Variants in HS3ST4 observed in about 807,000 individuals in gnomAD.
HS3ST4 encodes heparan sulfate-glucosamine 3-sulfotransferase 4.
A neutral mutation model predicts 29.2 loss-of-function variants in HS3ST4; 17 were observed. The observed-to-expected ratio is 0.58, with a 90% CI of 0.40 to 0.87. The LOEUF is 0.87. HS3ST4 is among the 40% of genes least tolerant of loss of function. The pLI is 0.00. For synonymous variants in HS3ST4, 314 were observed against 285.7 expected, an observed-to-expected ratio of 1.10 and a Z score of -1.00; for missense variants, 627 against 634.5, an observed-to-expected ratio of 0.99 and a Z score of 0.13.
chr16:26,074,263 A>G (rs1355097126), intron 1 of HS3ST4, among the ~76,000 whole-genome samples: 9 of 152,228 alleles, frequency 5.9e-5, no homozygotes, highest in Admixed American at 5.9e-4. Context: ...CACATCAGGT[A>G]CAGTTGTCTG....
intron 1 of HS3ST4, among the ~76,000 whole-genome samples, chr16:25,950,967 C>T (rs1316969118): frequency 6.6e-6 from 1 of 152,194 alleles, no homozygotes; most frequent in Non-Finnish European, 1.5e-5. Flanking sequence ...AGTCCACACC[C>T]CACTGGGCAC....
chr16:26,047,359 G>C (rs993909643), intron 1 of HS3ST4, among the ~76,000 whole-genome samples: 3 of 152,162 alleles, frequency 2.0e-5, no homozygotes, highest in Non-Finnish European at 1.5e-5. Flanking sequence ...AGAAGATTTC[G>C]ATCAATATTT....
At chr16:26,103,574 T>C (rs115171869) in intron 1 of HS3ST4, among the ~76,000 whole-genome samples, 3,762 of 152,268 alleles carry the variant, frequency 0.025, 170 homozygotes, top group African/African-American at 0.084. Context: ...AGGTAACTTC[T>C]CTATCAGAAC....
intron 1 of HS3ST4, chr16:26,032,821 G>A (rs1163414180): frequency 2.0e-5 from 31 of 1,571,580 alleles, no homozygotes; most frequent in East Asian, 9.0e-5. Flanking sequence ...TGGTGGTGGC[G>A]GCGACGGCAG....
At chr16:26,056,276 G>A (rs535551855) in intron 1 of HS3ST4, among the ~76,000 whole-genome samples, 1 of 152,306 alleles carries the variant, frequency 6.6e-6, no homozygotes, top group Admixed American at 6.5e-5. Flanking sequence ...AGCAGACCAG[G>A]TTGGAAGTTT....
intron 1 of HS3ST4, among the ~76,000 whole-genome samples, chr16:25,950,088 T>C (rs998348112): frequency 1.4e-4 from 21 of 152,142 alleles, no homozygotes; most frequent in African/African-American, 4.3e-4. Context: ...GCTTGTGACA[T>C]CTATTCCCTG....
intron 1 of HS3ST4, among the ~76,000 whole-genome samples, chr16:25,871,955 TG>T (rs5816329): frequency 0.35 from 53,572 of 151,848 alleles, 9,744 homozygotes; most frequent in East Asian, 0.53. Flanking sequence ...GGGCTCAAAG[TG>T]TAATGGTGAT....
chr16:25,828,013 G>T (rs1306922480), intron 1 of HS3ST4, among the ~76,000 whole-genome samples: 1 of 151,930 alleles, frequency 6.6e-6, no homozygotes, highest in Non-Finnish European at 1.5e-5. Context: ...AGGGTCAGGG[G>T]CACATGAGTA....
chr16:25,894,188 ACT>A (rs1378987782), intron 1 of HS3ST4, among the ~76,000 whole-genome samples: 2 of 152,062 alleles, frequency 1.3e-5, no homozygotes, highest in African/African-American at 4.8e-5. Flanking sequence ...AGTGCTTTGA[ACT>A]TCATCAGATT....
At chr16:25,930,926 A>C (rs1968456361) in intron 1 of HS3ST4, among the ~76,000 whole-genome samples, 1 of 152,038 alleles carries the variant, frequency 6.6e-6, no homozygotes, top group Non-Finnish European at 1.5e-5. Context: ...AAAAACAAAA[A>C]AAAAACTCAG....
chr16:26,068,256 C>T (rs959042316), intron 1 of HS3ST4, among the ~76,000 whole-genome samples: 23 of 152,142 alleles, frequency 1.5e-4, no homozygotes, highest in African/African-American at 5.6e-4. Flanking sequence ...AACCCAATCC[C>T]CTGAGGAAGA....
chr16:26,060,529 C>T (rs927497865), intron 1 of HS3ST4, among the ~76,000 whole-genome samples: 5 of 152,146 alleles, frequency 3.3e-5, no homozygotes, highest in Non-Finnish European at 7.3e-5. Context: ...TCACTGCCCT[C>T]TACTTGGTTT....
At chr16:25,813,347 G>A (rs144228935) in intron 1 of HS3ST4, among the ~76,000 whole-genome samples, 1,818 of 152,270 alleles carry the variant, frequency 0.012, 18 homozygotes, top group South Asian at 0.017. Flanking sequence ...TGCTTGGGCC[G>A]GGTGCGGTGG....
chr16:26,025,615 G>A (rs1199614880), intron 1 of HS3ST4, among the ~76,000 whole-genome samples: 1 of 152,210 alleles, frequency 6.6e-6, no homozygotes, highest in African/African-American at 2.4e-5. Context: ...GAGGGCTGAT[G>A]AAGTCAACTA....
At chr16:25,748,987 C>T (rs1262612659) in intron 1 of HS3ST4, among the ~76,000 whole-genome samples, 1 of 152,138 alleles carries the variant, frequency 6.6e-6, no homozygotes, top group African/African-American at 2.4e-5. Context: ...GAAGACTGGA[C>T]AAACCATTCC....
At chr16:25,726,575 T>A (rs1303140047) in intron 1 of HS3ST4, among the ~76,000 whole-genome samples, 1 of 152,108 alleles carries the variant, frequency 6.6e-6, no homozygotes, top group Non-Finnish European at 1.5e-5. Context: ...ATTACTAAAT[T>A]TTTCTCCAGG....
chr16:25,785,081 G>A (rs1400197427), intron 1 of HS3ST4, among the ~76,000 whole-genome samples: 1 of 152,208 alleles, frequency 6.6e-6, no homozygotes, highest in East Asian at 1.9e-4. Flanking sequence ...CTCATTGACA[G>A]CATATCTGTT....
chr16:26,131,123 C>A (rs953520071), intron 1 of HS3ST4, among the ~76,000 whole-genome samples: 2 of 152,164 alleles, frequency 1.3e-5, no homozygotes, highest in African/African-American at 2.4e-5. Context: ...ATTTTAAAAT[C>A]TACTCCTATT....
intron 1 of HS3ST4, among the ~76,000 whole-genome samples, chr16:26,106,481 A>C (rs987621867): frequency 6.6e-6 from 1 of 152,212 alleles, no homozygotes; most frequent in Non-Finnish European, 1.5e-5. Flanking sequence ...AAGTTGAAGG[A>C]AAAGCCAAGA....
Sources: allele counts gnomAD v4.1 joint callset (sites outside exome capture counted in the v4.1 genomes callset), GRCh38; gene constraint gnomAD v4.1.1; transcripts MANE v1.5; gene names NCBI Gene and HGNC (gene_info 2026-07-23, HGNC 2026-07-21).